The following BICC1 variants were observed in gnomAD, a reference collection of about 807,000 sequenced individuals.
BICC1 encodes the protein BicC family RNA binding protein 1, also known as protein bicaudal C homolog 1.
In BICC1, 43 loss-of-function variants were observed where a neutral mutation model predicts 111.0. The observed-to-expected ratio is 0.39, with a 90% CI of 0.30 to 0.50. The LOEUF (loss-of-function observed/expected upper bound fraction) is 0.50, where lower values mean the gene tolerates loss of function less well. BICC1 is among the 20% of genes least tolerant of loss of function. The pLI, the probability that BICC1 is intolerant of heterozygous loss-of-function variation, is 0.88. For synonymous variants in BICC1, 467 were observed against 434.4 expected, an observed-to-expected ratio of 1.07 and a Z score of -0.93; for missense variants, 1,091 against 1,203.2, an observed-to-expected ratio of 0.91 and a Z score of 1.38.
intron 2 of BICC1, among the ~76,000 whole-genome samples, chr10:58,690,299 T>C (rs376100779): frequency 1.2e-5 from 1 of 86,530 alleles, no homozygotes; most frequent in Admixed American, 1.0e-4. Context: ...GTGAAAGAGA[T>C]ACATTTTTCT....
chr10:58,807,232 T>C, intron 17 of BICC1, 74 bp downstream of exon 17: 7 of 1,402,930 alleles, frequency 5.0e-6, no homozygotes, highest in Non-Finnish European at 6.8e-6. Flanking sequence ...TCCCCCACCC[T>C]CATTCTTTAT....
intron 1 of BICC1, 26 bp from the exon 2 acceptor site, chr10:58,620,829 T>G (rs2132136989): frequency 1.2e-6 from 2 of 1,605,306 alleles, no homozygotes; most frequent in African/African-American, 1.3e-5. Flanking sequence ...AAAAAGTATT[T>G]TAAATGTGCA....
chr10:58,740,047 TTTAC>T (rs1271509783), intron 3 of BICC1, among the ~76,000 whole-genome samples: 4 of 152,154 alleles, frequency 2.6e-5, no homozygotes, highest in Non-Finnish European at 5.9e-5. Context: ...TCTAGCTGGG[TTTAC>T]TTAATCTTTT....
chr10:58,739,719 C>G (rs1841593496), intron 3 of BICC1, among the ~76,000 whole-genome samples: 1 of 152,080 alleles, frequency 6.6e-6, no homozygotes, highest in African/African-American at 2.4e-5. Context: ...AAATCAAAAT[C>G]TATATATAGA....
chr10:58,769,470 T>C (rs1331456543), intron 3 of BICC1, among the ~76,000 whole-genome samples: 2 of 146,144 alleles, frequency 1.4e-5, no homozygotes, highest in Middle Eastern at 3.4e-3. Context: ...TATTTGTCAA[T>C]CACTCCTAAG....
chr10:58,737,427 C>T (rs1344492310), intron 3 of BICC1, among the ~76,000 whole-genome samples: 2 of 152,194 alleles, frequency 1.3e-5, no homozygotes, highest in African/African-American at 4.8e-5. Flanking sequence ...AGCACATGAA[C>T]TCATCCTTCT....
At chr10:58,636,996 A>G (rs79598761) in intron 2 of BICC1, among the ~76,000 whole-genome samples, 307 of 152,078 alleles carry the variant, frequency 2.0e-3, no homozygotes, top group African/African-American at 7.2e-3. Context: ...GGCACCTTCC[A>G]TATCTTTAGT....
intron 3 of BICC1, among the ~76,000 whole-genome samples, chr10:58,713,130 G>A (rs1840631108): frequency 6.6e-6 from 1 of 152,148 alleles, no homozygotes; most frequent in African/African-American, 2.4e-5. Context: ...GGAAAGTGAG[G>A]AAAATGCCTA....
At chr10:58,669,967 GGAA>G (rs1839132286) in intron 2 of BICC1, among the ~76,000 whole-genome samples, 1 of 152,096 alleles carries the variant, frequency 6.6e-6, no homozygotes, top group Non-Finnish European at 1.5e-5. Flanking sequence ...GTGAAGGAAA[GGAA>G]GAAGAATGTG....
At chr10:58,708,798 G>A (rs1218022226) in intron 3 of BICC1, among the ~76,000 whole-genome samples, 1 of 152,212 alleles carries the variant, frequency 6.6e-6, no homozygotes, top group African/African-American at 2.4e-5. Context: ...GCCCCCAGGT[G>A]GTCTTTTCCT....
intron 1 of BICC1, among the ~76,000 whole-genome samples, chr10:58,547,096 CTTA>C (rs1181526201): frequency 6.6e-6 from 1 of 152,156 alleles, no homozygotes; most frequent in Non-Finnish European, 1.5e-5. Context: ...CCAGTTTCCC[CTTA>C]TTATTACCAT....
chr10:58,559,854 T>A (rs1166236374), intron 1 of BICC1, among the ~76,000 whole-genome samples: 2 of 152,052 alleles, frequency 1.3e-5, no homozygotes, highest in Non-Finnish European at 2.9e-5. Context: ...ATCATTTAGG[T>A]TTTGTTCATT....
chr10:58,546,919 T>G (rs1843153449), intron 1 of BICC1, among the ~76,000 whole-genome samples: 1 of 152,192 alleles, frequency 6.6e-6, no homozygotes, highest in African/African-American at 2.4e-5. Flanking sequence ...GACTTTCAGA[T>G]GTGCTTAAAT....
intron 18 of BICC1, 199 bp downstream of exon 18, chr10:58,814,185 G>C: frequency 1.5e-6 from 1 of 673,296 alleles, no homozygotes; most frequent in African/African-American, 1.8e-5. Flanking sequence ...CATTTTGTGC[G>C]TGCTTTCACT....
intron 3 of BICC1, among the ~76,000 whole-genome samples, chr10:58,741,701 G>A (rs764900072): frequency 6.6e-6 from 1 of 152,100 alleles, no homozygotes; most frequent in Non-Finnish European, 1.5e-5. Flanking sequence ...TCTTGTCCAA[G>A]GATTGTGTAC....
At chr10:58,777,015 T>C (rs1323684330) in intron 3 of BICC1, among the ~76,000 whole-genome samples, 1 of 151,982 alleles carries the variant, frequency 6.6e-6, no homozygotes, top group East Asian at 1.9e-4. Context: ...GTCTGGGGTG[T>C]AGTTTACACT....
At chr10:58,713,150 G>GTAAA (rs1244658957) in intron 3 of BICC1, among the ~76,000 whole-genome samples, 2 of 152,148 alleles carry the variant, frequency 1.3e-5, no homozygotes, top group African/African-American at 2.4e-5. Context: ...AAATTAAACA[G>GTAAA]TAAAACACAC....
intron 1 of BICC1, among the ~76,000 whole-genome samples, chr10:58,515,041 G>T (rs1842205283): frequency 6.6e-6 from 1 of 152,192 alleles, no homozygotes; most frequent in Non-Finnish European, 1.5e-5. Flanking sequence ...GGAAGTTCAA[G>T]TGTATAACCT....
chr10:58,640,158 C>G (rs1346133084), intron 2 of BICC1, among the ~76,000 whole-genome samples: 2 of 151,928 alleles, frequency 1.3e-5, no homozygotes, highest in African/African-American at 4.8e-5. Flanking sequence ...ATATAAGCTT[C>G]TTAGAAAAGA....
Sources: gnomAD v4.1 joint callset for allele counts (sites outside exome capture counted in the v4.1 genomes callset) on GRCh38, gnomAD v4.1.1 for gene constraint, MANE v1.5 for transcripts, NCBI Gene and HGNC (gene_info 2026-07-23, HGNC 2026-07-21) for gene names.